Variants in HS3ST5 observed in about 807,000 individuals in gnomAD.
HS3ST5 encodes heparan sulfate-glucosamine 3-sulfotransferase 5.
Under a neutral mutation model 25.4 loss-of-function variants are expected in HS3ST5, and 10 were observed. The ratio of observed to expected loss-of-function variants is 0.39; its 90% CI spans 0.24 to 0.67. The LOEUF (loss-of-function observed/expected upper bound fraction) is 0.67. Among genes scored for constraint, HS3ST5 ranks in the 30% least tolerant of loss-of-function variants. The pLI, the probability that HS3ST5 is intolerant of heterozygous loss-of-function variation, is 0.44. For missense variants in HS3ST5, 324 were observed against 420.7 expected (o/e 0.77, Z 2.01); for synonymous variants, 170 against 162.4 (o/e 1.05, Z -0.36).
chr6:114,291,509 C>T (rs1367591200), intron 1 of HS3ST5, among the ~76,000 whole-genome samples: 1 of 152,082 alleles, frequency 6.6e-6, no homozygotes, highest in East Asian at 1.9e-4. Context: ...GTTCCATTTC[C>T]CCCATTTGAT....
chr6:114,187,282 A>G (rs904683553), intron 2 of HS3ST5, among the ~76,000 whole-genome samples: 1 of 152,234 alleles, frequency 6.6e-6, no homozygotes, highest in Non-Finnish European at 1.5e-5. Context: ...AATAAATTAG[A>G]AATCTTCTGG....
At chr6:114,137,301 A>G (rs1777671241) in intron 3 of HS3ST5, among the ~76,000 whole-genome samples, 1 of 152,222 alleles carries the variant, frequency 6.6e-6, no homozygotes, top group Non-Finnish European at 1.5e-5. Context: ...CTTGGATACT[A>G]GAAAGCATAA....
At chr6:114,106,163 G>A (rs1775983033) in intron 3 of HS3ST5, among the ~76,000 whole-genome samples, 1 of 152,070 alleles carries the variant, frequency 6.6e-6, no homozygotes, top group Non-Finnish European at 1.5e-5. Flanking sequence ...ATAGGGCAAA[G>A]TTTTCAAGAT....
At chr6:114,342,006 C>T (rs1776899704) in intron 1 of HS3ST5, among the ~76,000 whole-genome samples, 189 bp downstream of exon 1, 1 of 152,202 alleles carries the variant, frequency 6.6e-6, no homozygotes, top group South Asian at 2.1e-4. Context: ...AGTTTAACCT[C>T]TGGTCCTAAG....
chr6:114,184,064 T>C (rs1780093674), intron 2 of HS3ST5, among the ~76,000 whole-genome samples: 1 of 132,598 alleles, frequency 7.5e-6, no homozygotes, highest in Non-Finnish European at 1.6e-5. Flanking sequence ...CTTTTTTTTT[T>C]TTTTTTTTTT....
intron 3 of HS3ST5, among the ~76,000 whole-genome samples, chr6:114,119,095 C>T (rs889574508): frequency 2.6e-5 from 4 of 152,086 alleles, no homozygotes; most frequent in South Asian, 2.1e-4. Context: ...TCAAAAAGAA[C>T]GAAGGCACTA....
intron 3 of HS3ST5, among the ~76,000 whole-genome samples, chr6:114,136,542 A>G (rs1158873476): frequency 6.6e-6 from 1 of 152,230 alleles, no homozygotes; most frequent in Non-Finnish European, 1.5e-5. Context: ...TATCTCTCAT[A>G]GCACCTTAGA....
At chr6:114,198,225 C>T (rs1455194895) in intron 2 of HS3ST5, among the ~76,000 whole-genome samples, 1 of 151,774 alleles carries the variant, frequency 6.6e-6, no homozygotes, top group Non-Finnish European at 1.5e-5. Context: ...TCAACCCAGT[C>T]AGACAAAAAT....
At chr6:114,146,898 T>A (rs1052641228) in intron 3 of HS3ST5, among the ~76,000 whole-genome samples, 3 of 152,212 alleles carry the variant, frequency 2.0e-5, no homozygotes, top group African/African-American at 7.2e-5. Context: ...TGCAGAACTA[T>A]GAGCCATTAA....
At chr6:114,098,416 A>G (rs1456290272) in intron 3 of HS3ST5, among the ~76,000 whole-genome samples, 2 of 150,438 alleles carry the variant, frequency 1.3e-5, no homozygotes, top group East Asian at 1.9e-4. Flanking sequence ...TTAATATTAT[A>G]TTAAATATAG....
chr6:114,303,315 C>A (rs2114816429), intron 1 of HS3ST5, among the ~76,000 whole-genome samples: 1 of 150,464 alleles, frequency 6.6e-6, no homozygotes, highest in South Asian at 2.1e-4. Flanking sequence ...AGTCCCCCCA[C>A]CCCCACCTCA....
intron 1 of HS3ST5, among the ~76,000 whole-genome samples, chr6:114,299,970 T>C (rs1775001700): frequency 6.6e-6 from 1 of 152,200 alleles, no homozygotes; most frequent in South Asian, 2.1e-4. Context: ...TCTCATGTTC[T>C]AACACCAGAG....
chr6:114,278,667 G>T (rs1329643480), intron 1 of HS3ST5, among the ~76,000 whole-genome samples: 2 of 151,994 alleles, frequency 1.3e-5, no homozygotes, highest in African/African-American at 4.8e-5. Flanking sequence ...CTGAGGGCAG[G>T]TTGGGTGAGA....
At chr6:114,270,081 C>T (rs1773574343) in intron 1 of HS3ST5, among the ~76,000 whole-genome samples, 1 of 152,138 alleles carries the variant, frequency 6.6e-6, no homozygotes, top group South Asian at 2.1e-4. Context: ...GGTGGCACCA[C>T]GTCGTCTGGC....
At chr6:114,091,475 A>G (rs1350738382) in intron 3 of HS3ST5, among the ~76,000 whole-genome samples, 20 of 151,990 alleles carry the variant, frequency 1.3e-4, no homozygotes, top group African/African-American at 4.6e-4. Flanking sequence ...CAGGAGAGCG[A>G]GACCATCCTG....
chr6:114,198,436 C>A (rs899030811), intron 2 of HS3ST5, among the ~76,000 whole-genome samples: 4 of 152,104 alleles, frequency 2.6e-5, no homozygotes, highest in African/African-American at 7.2e-5. Context: ...AACAGAGAAC[C>A]CCTGCAAGAT....
intron 1 of HS3ST5, among the ~76,000 whole-genome samples, chr6:114,266,400 T>C (rs918101330): frequency 1.1e-4 from 16 of 152,220 alleles, no homozygotes; most frequent in Admixed American, 6.5e-4. Context: ...AAAGTTAGTT[T>C]TGAGAAGTAA....
intron 1 of HS3ST5, among the ~76,000 whole-genome samples, chr6:114,254,578 C>T (rs779280568): frequency 1.3e-5 from 2 of 152,100 alleles, no homozygotes; most frequent in Admixed American, 1.3e-4. Context: ...CTGATAAAGA[C>T]GTACCCGAGA....
intron 3 of HS3ST5, among the ~76,000 whole-genome samples, chr6:114,159,069 G>A (rs959849022): frequency 6.6e-6 from 1 of 152,184 alleles, no homozygotes; most frequent in African/African-American, 2.4e-5. Flanking sequence ...TTTTAGGCCT[G>A]AGAGAAACCT....
Sources: gnomAD v4.1 joint callset for allele counts (sites outside exome capture counted in the v4.1 genomes callset) on GRCh38, gnomAD v4.1.1 for gene constraint, MANE v1.5 for transcripts, NCBI Gene and HGNC (gene_info 2026-07-23, HGNC 2026-07-21) for gene names.